ERBB4: variants seen among roughly 807,000 people sequenced by gnomAD.
ERBB4 encodes erb-b2 receptor tyrosine kinase 4.
A neutral mutation model predicts 158.0 loss-of-function variants in ERBB4; 42 were observed. The ratio of observed to expected loss-of-function variants is 0.27; its 90% CI spans 0.21 to 0.34. The LOEUF is 0.34. ERBB4 is among the 10% of genes least tolerant of loss of function. ERBB4 has a pLI of 1.00. For synonymous variants in ERBB4, 583 were observed against 558.7 expected (o/e 1.04, Z -0.61); for missense variants, 1,333 against 1,624.1 (o/e 0.82, Z 3.08).
Position 212,177,963 on chromosome 2 carries a change from T to TGAGTGTGA in ERBB4, c.83-53061_83-53060insTCACACTC, listed in dbSNP as rs1332345187. On this transcript the variant is annotated intron_variant, in intron 1 of 27. Coordinates refer to ENST00000342788, the MANE Select transcript of ERBB4 (RefSeq NM_005235.3). ...TTGTGAGTGTTTGTGAGTGTGAGTG[T>TGAGTGTGA]GTGTGTGTGTGTGTGTGTTGGGAAG... 4.5e-5 allele frequency among the ~76,000 whole-genome samples: 6 copies of TGAGTGTGA among 132,218 alleles called. No homozygotes were observed. In the East Asian group the frequency reaches 1.2e-3, roughly 27 times the overall value. 86.7% of individuals were successfully genotyped at this position (132,218 alleles called of 152,430 possible).
chr2:211,490,572 C>T (rs1284856511), intron 20 of ERBB4, among the ~76,000 whole-genome samples: 1 of 151,906 alleles, frequency 6.6e-6, no homozygotes, highest in Non-Finnish European at 1.5e-5. Context: ...TCATGAGCGA[C>T]CTAGAGAGAG....
At chr2:212,236,651 ATCAGTCTAT>A (rs2083888121) in intron 1 of ERBB4, among the ~76,000 whole-genome samples, 1 of 152,200 alleles carries the variant, frequency 6.6e-6, no homozygotes, top group Non-Finnish European at 1.5e-5. Context: ...AGAACTTGTT[ATCAGTCTAT>A]TCAGGGATAC....
chr2:211,383,546 CA>C lies in ERBB4; in HGVS notation c.*68del. On this transcript the variant is annotated 3_prime_UTR_variant, in exon 28 of 28. Transcript: ENST00000342788. ...GGCCTTGGGGTAGAAGGAAGACCAC[CA>C]GAGAAAGAGAGGGGGGTGGGGAAAT... 6 of 1,331,342 alleles carry C rather than the reference CA, an allele frequency of 4.5e-6. No homozygotes were observed. Among genetic ancestry groups the C allele is most frequent in the Non-Finnish European group, 6.5e-6 (6 of 926,478 alleles). 82.5% of individuals were successfully genotyped at this position (1,331,342 alleles called of 1,614,324 possible).
At chr2:211,680,896 C>T (rs10176100) in intron 12 of ERBB4, among the ~76,000 whole-genome samples, 87,538 of 151,946 alleles carry the variant, frequency 0.58, 26,454 homozygotes, top group Non-Finnish European at 0.62. Context: ...ACTGCTCATA[C>T]ATAAAGTATA....
chr2:211,929,736 G>A (rs953550907), intron 3 of ERBB4, among the ~76,000 whole-genome samples: 1 of 152,144 alleles, frequency 6.6e-6, no homozygotes, highest in African/African-American at 2.4e-5. Context: ...GTTTCTCTTT[G>A]GATGTGTCAG....
At chr2:211,387,869 G>A (rs1324033433) in intron 26 of ERBB4, 76 bp downstream of exon 26, 1 of 1,133,492 alleles carries the variant, frequency 8.8e-7, no homozygotes, top group Non-Finnish European at 1.3e-6. Context: ...AGGAAATTAT[G>A]CAGAGACGAG....
At chr2:211,788,679 C>A (rs1343825510) in intron 3 of ERBB4, among the ~76,000 whole-genome samples, 1 of 152,070 alleles carries the variant, frequency 6.6e-6, no homozygotes, top group Non-Finnish European at 1.5e-5. Context: ...ATTCCAAGGT[C>A]ATAGAGTGTG....
At chr2:211,709,243 A>ATG (rs200631955) in intron 9 of ERBB4, among the ~76,000 whole-genome samples, 978 of 92,380 alleles carry the variant, frequency 0.011, 12 homozygotes, top group African/African-American at 0.041. Context: ...GTGTATATAT[A>ATG]TATATATACA....
At chr2:211,716,570 G>A in intron 7 of ERBB4, among the ~76,000 whole-genome samples, 1 of 151,858 alleles carries the variant, frequency 6.6e-6, no homozygotes, top group Non-Finnish European at 1.5e-5. Flanking sequence ...CAGCTACTCG[G>A]GAGGCTGAGG....
chr2:211,580,382 AACATATGAAAAAATGC>A, intron 19 of ERBB4, among the ~76,000 whole-genome samples: 1 of 152,158 alleles, frequency 6.6e-6, no homozygotes, highest in Admixed American at 6.6e-5. Flanking sequence ...AAGGCCAACA[AACATATGAAAAAATGC>A]TCAACATCAC....
chr2:212,074,178 A>C (rs10165446), intron 2 of ERBB4, among the ~76,000 whole-genome samples: 147,592 of 151,966 alleles, frequency 0.97, 71,799 homozygotes, highest in East Asian at 1. Flanking sequence ...GTAGCCAATA[A>C]GAACTCTGTA....
chr2:211,636,767 G>A (rs1045646346), intron 16 of ERBB4, among the ~76,000 whole-genome samples: 24 of 151,640 alleles, frequency 1.6e-4, no homozygotes, highest in East Asian at 1.9e-4. Flanking sequence ...ATATAGGATC[G>A]AAAAAACTTC....
intron 2 of ERBB4, among the ~76,000 whole-genome samples, chr2:212,014,821 A>T (rs1235695592): frequency 1.3e-5 from 2 of 151,586 alleles, no homozygotes; most frequent in African/African-American, 4.8e-5. Context: ...TGAGTAAAAA[A>T]ATGTACATAA....
chr2:212,462,160 A>C (rs1181749070), intron 1 of ERBB4, among the ~76,000 whole-genome samples: 1 of 143,886 alleles, frequency 6.9e-6, no homozygotes, highest in Non-Finnish European at 1.6e-5. Flanking sequence ...CTACTAGAAG[A>C]AAACATTGGA....
chr2:211,705,937 C>G (rs971441128), intron 9 of ERBB4, among the ~76,000 whole-genome samples: 1 of 152,090 alleles, frequency 6.6e-6, no homozygotes, highest in African/African-American at 2.4e-5. Context: ...AGAAGTCTCT[C>G]TTCATACAGA....
chr2:212,310,335 G>C (rs2086984520), intron 1 of ERBB4, among the ~76,000 whole-genome samples: 1 of 150,720 alleles, frequency 6.6e-6, no homozygotes, highest in Non-Finnish European at 1.5e-5. Context: ...AGCGGCATCA[G>C]TAGAGACACT....
chr2:212,407,590 A>C (rs1015407427), intron 1 of ERBB4, among the ~76,000 whole-genome samples: 2 of 152,106 alleles, frequency 1.3e-5, no homozygotes, highest in African/African-American at 4.8e-5. Context: ...TTTTTAAGTA[A>C]ATAAGTAGGC....
At chr2:212,247,039 A>C (rs1054665584) in intron 1 of ERBB4, among the ~76,000 whole-genome samples, 2 of 152,212 alleles carry the variant, frequency 1.3e-5, no homozygotes, top group African/African-American at 2.4e-5. Flanking sequence ...TTAAATTGAT[A>C]ACCAAATACT....
intron 3 of ERBB4, among the ~76,000 whole-genome samples, chr2:211,880,782 AAC>A (rs111878890): frequency 0.14 from 20,734 of 152,204 alleles, 1,648 homozygotes; most frequent in African/African-American, 0.21. Context: ...CAAAGAAATG[AAC>A]AGTTTACAAA....
Sources: gnomAD v4.1 joint callset for allele counts (sites outside exome capture counted in the v4.1 genomes callset) on GRCh38, gnomAD v4.1.1 for gene constraint, MANE v1.5 for transcripts, NCBI Gene and HGNC (gene_info 2026-07-23, HGNC 2026-07-21) for gene names.